S100Z: variants seen among roughly 807,000 people sequenced by gnomAD.
S100Z encodes protein S100-Z.
A neutral mutation model predicts 8.5 loss-of-function variants in S100Z; 11 were observed. The ratio of observed to expected loss-of-function variants is 1.30; its 90% CI spans 0.82 to 2.15. The LOEUF (loss-of-function observed/expected upper bound fraction) is 2.15, where lower values mean the gene tolerates loss of function less well. Among genes scored for constraint, S100Z ranks in the 30% most tolerant of loss-of-function variants. The pLI is 0.00. For synonymous variants in S100Z, 34 were observed against 43.8 expected (o/e 0.78, Z 0.89); for missense variants, 126 against 117.9 (o/e 1.07, Z -0.32).
intron 4 of S100Z, among the ~76,000 whole-genome samples, chr5:76,880,185 G>A (rs1281661011): frequency 1.3e-5 from 2 of 152,018 alleles, no homozygotes; most frequent in African/African-American, 4.8e-5. Context: ...AGTTAGGGTG[G>A]GACAGAAACA....
At chr5:76,917,824 A>AAG (rs1288208660) in intron 4 of S100Z, among the ~76,000 whole-genome samples, 5 of 151,814 alleles carry the variant, frequency 3.3e-5, no homozygotes. Context: ...CTGTCTCAAA[A>AAG]AAAAAAAAAA....
chr5:76,939,467 T>G, the S100Z span, among the ~76,000 whole-genome samples: 6 of 151,312 alleles, frequency 4.0e-5, no homozygotes. Flanking sequence ...CTGCAAATTT[T>G]TATATATCAT....
the S100Z span, among the ~76,000 whole-genome samples, chr5:76,952,016 T>C: frequency 1.3e-5 from 2 of 152,244 alleles, no homozygotes; most frequent in Non-Finnish European, 2.9e-5. Context: ...GTAATAACAA[T>C]GCTTGGTGCA....
rs926057699 is a variant in S100Z at position 76,864,415 on chromosome 5, T to A, written c.-175-5751T>A. 4.7e-4 allele frequency among the ~76,000 whole-genome samples: 55 copies of A among 117,394 alleles called. No homozygotes were observed. The East Asian group carries it at 0.016, about 34-fold the overall frequency. The allele number at this position is 117,394 out of a possible 152,430, so 77.0% of individuals were successfully genotyped here. A position where few individuals can be genotyped will look rare whatever the true frequency, so the allele number is the denominator to read the frequency against. ...TTTTTTTTTTTTTTTTTTTTTTTTT[T>A]TTTTGAGATGGAGTCTCACTCGGTC... On this transcript the variant is annotated intron_variant, in intron 1 of 4. Transcript: ENST00000317593.
intron 1 of S100Z, among the ~76,000 whole-genome samples, chr5:76,855,363 C>T (rs1465254940): frequency 6.6e-6 from 1 of 152,132 alleles, no homozygotes; most frequent in Non-Finnish European, 1.5e-5. Flanking sequence ...AAAACAGATG[C>T]CAGCCTGTGA....
chr5:76,914,035 C>A (rs1023442739), intron 4 of S100Z, among the ~76,000 whole-genome samples: 2 of 152,132 alleles, frequency 1.3e-5, no homozygotes, highest in Non-Finnish European at 2.9e-5. Context: ...GCCATCAAGC[C>A]ACAGATGGTC....
rs1466990448 is a variant in S100Z, at chr5:76,919,526, T to TCCCTCCCTC, written c.*3-1189_*3-1188insCTCCCTCCC. Among the ~76,000 whole-genome samples the TCCCTCCCTC allele has an allele frequency of 2.4e-5, 3 of 125,934 alleles. No homozygotes were observed. In the South Asian group the frequency reaches 8.3e-4, roughly 35 times the overall value. 82.6% of individuals were successfully genotyped at this position (125,934 alleles called of 152,430 possible). On this transcript the variant is annotated intron_variant, in intron 4 of 4. Transcript: ENST00000317593. ...GTTCAGGTCTTCTCTTCTTCTCCCT[T>TCCCTCCCTC]CCTCCCTCCCTCCCTCCCTCCCTCC...
chr5:76,895,193 G>A (rs181147769), intron 4 of S100Z, among the ~76,000 whole-genome samples: 75 of 152,262 alleles, frequency 4.9e-4, no homozygotes, highest in African/African-American at 1.8e-3. Flanking sequence ...AACCTGTCTT[G>A]AGAATGCCCA....
chr5:76,938,319 C>T, the S100Z span, among the ~76,000 whole-genome samples: 5 of 152,120 alleles, frequency 3.3e-5, no homozygotes, highest in African/African-American at 1.2e-4. Flanking sequence ...CCAGTTCTTA[C>T]TCAAAAAGGC....
intron 2 of S100Z, among the ~76,000 whole-genome samples, chr5:76,872,834 A>G (rs1387737041): frequency 6.6e-6 from 1 of 152,076 alleles, no homozygotes; most frequent in Admixed American, 6.6e-5. Context: ...TTAGCCAGGC[A>G]TGGTGGTGTG....
intron 4 of S100Z, among the ~76,000 whole-genome samples, chr5:76,912,882 C>CAG (rs36029083): frequency 8.8e-5 from 13 of 148,566 alleles, no homozygotes; most frequent in East Asian, 4.0e-4. Flanking sequence ...AAGAAGGAGT[C>CAG]AGAGAGAGAG....
intron 1 of S100Z, among the ~76,000 whole-genome samples, chr5:76,858,213 T>C (rs541899962): frequency 6.6e-6 from 1 of 152,130 alleles, no homozygotes; most frequent in Non-Finnish European, 1.5e-5. Flanking sequence ...CCAACTGGCT[T>C]AGGGAACATG....
chr5:76,932,573 C>G, the S100Z span, among the ~76,000 whole-genome samples: 2 of 152,122 alleles, frequency 1.3e-5, no homozygotes, highest in Non-Finnish European at 2.9e-5. Context: ...AGGCTGGTCT[C>G]GAACTCTTGG....
At chr5:76,872,504 T>TA (rs1429673361) in intron 2 of S100Z, among the ~76,000 whole-genome samples, 4 of 146,888 alleles carry the variant, frequency 2.7e-5, no homozygotes, top group Non-Finnish European at 6.0e-5. Context: ...TCTACAAAAA[T>TA]AAAAAAATTA....
At chr5:76,948,511 G>A in the S100Z span, among the ~76,000 whole-genome samples, 3 of 152,014 alleles carry the variant, frequency 2.0e-5, no homozygotes, top group African/African-American at 7.3e-5. Flanking sequence ...TTTTAAAAAT[G>A]GGCTAAGGAC....
chr5:76,867,375 G>A lies in S100Z; in HGVS notation c.-175-2791G>A, dbSNP rs956832443. On this transcript the variant is annotated intron_variant, in intron 1 of 4. Coordinates refer to ENST00000317593, the MANE Select transcript of S100Z (RefSeq NM_130772.4). ...TAGCCTCCTGTATGACTGTAGTCTT[G>A]GCCCCAGGGCAGTTCCTGGCTCAGA... Among the ~76,000 whole-genome samples, 6 of 152,108 alleles carry A rather than the reference G, an allele frequency of 3.9e-5. No homozygotes were observed. In the East Asian group the frequency reaches 9.7e-4, roughly 24 times the overall value.
chr5:76,912,130 A>T (rs1313334096), intron 4 of S100Z, among the ~76,000 whole-genome samples: 1 of 152,164 alleles, frequency 6.6e-6, no homozygotes, highest in Non-Finnish European at 1.5e-5. Context: ...CAAGGAAAGG[A>T]TCTCACTGTT....
Position 76,858,435 on chromosome 5 carries a change from A to T in S100Z, c.-176+8280A>T, listed in dbSNP as rs140973369. On this transcript the variant is annotated intron_variant, in intron 1 of 4. Transcript: ENST00000317593. ...ATACTAGAGAGGCTGAGACAGGAGG[A>T]TCGCTTGAACCTGGGAGGCAGAGAT... Among the ~76,000 whole-genome samples the T allele has an allele frequency of 2.3e-3, 355 of 152,152 alleles. 2 individuals are homozygous for T. Among genetic ancestry groups the T allele is most frequent in the African/African-American group, 8.0e-3 (332 of 41,530 alleles).
At chr5:76,915,257 A>G (rs1744816724) in intron 4 of S100Z, among the ~76,000 whole-genome samples, 1 of 143,106 alleles carries the variant, frequency 7.0e-6, no homozygotes, top group Non-Finnish European at 1.5e-5. Context: ...GTGAGCTGAG[A>G]TTGTGCCACT....
Sources: allele counts gnomAD v4.1 joint callset (sites outside exome capture counted in the v4.1 genomes callset), GRCh38; gene constraint gnomAD v4.1.1; transcripts MANE v1.5; gene names NCBI Gene and HGNC (gene_info 2026-07-23, HGNC 2026-07-21).